Variants in RUNX2 observed in about 807,000 individuals in gnomAD.
RUNX2 encodes the protein runt-related transcription factor 2.
Under a neutral mutation model 51.7 loss-of-function variants are expected in RUNX2, and 10 were observed. That is an observed-to-expected ratio of 0.19 (90% CI 0.12 to 0.33). RUNX2 has a LOEUF of 0.33. Ranked by LOEUF, RUNX2 falls within the 10% of genes least tolerant of loss-of-function variation. RUNX2 has a pLI of 1.00. For missense variants in RUNX2, 562 were observed against 691.3 expected (o/e 0.81, Z 2.10); for synonymous variants, 276 against 273.6 (o/e 1.01, Z -0.09).
chr6:45,370,010 T>C (rs543299911), intron 2 of RUNX2, among the ~76,000 whole-genome samples: 18 of 152,112 alleles, frequency 1.2e-4, no homozygotes, highest in African/African-American at 4.3e-4. Flanking sequence ...GCCACAGGAG[T>C]TTACATTTCA....
intron 5 of RUNX2, among the ~76,000 whole-genome samples, chr6:45,490,735 T>C (rs1055147172): frequency 2.6e-5 from 4 of 152,144 alleles, no homozygotes; most frequent in African/African-American, 9.7e-5. Flanking sequence ...TGGATAATAT[T>C]CTAATTCCCT....
At chr6:45,464,993 T>C (rs1257300679) in intron 5 of RUNX2, among the ~76,000 whole-genome samples, 1 of 152,234 alleles carries the variant, frequency 6.6e-6, no homozygotes, top group African/African-American at 2.4e-5. Context: ...CTTGAGTATA[T>C]ACAAGATTTG....
chr6:45,391,687 G>A (rs575177958), intron 2 of RUNX2, among the ~76,000 whole-genome samples: 117 of 152,280 alleles, frequency 7.7e-4, no homozygotes, highest in African/African-American at 2.5e-3. Flanking sequence ...GAAGCAAGGC[G>A]CCTTCTTCAC....
intron 6 of RUNX2, among the ~76,000 whole-genome samples, chr6:45,502,174 A>C (rs895790170): frequency 2.0e-5 from 3 of 152,070 alleles, no homozygotes; most frequent in African/African-American, 7.2e-5. Flanking sequence ...ATGTTGTGGG[A>C]TGTCATTTAT....
At chr6:45,384,164 G>T (rs1797299136) in intron 2 of RUNX2, among the ~76,000 whole-genome samples, 1 of 152,148 alleles carries the variant, frequency 6.6e-6, no homozygotes, top group Admixed American at 6.5e-5. Context: ...AATACTTAAT[G>T]TAGGAAGGTT....
At chr6:45,437,759 C>T (rs1798726028) in intron 4 of RUNX2, among the ~76,000 whole-genome samples, 188 bp from the exon 5 acceptor site, 1 of 152,136 alleles carries the variant, frequency 6.6e-6, no homozygotes, top group Admixed American at 6.5e-5. Flanking sequence ...TGACTCTAAG[C>T]AAATTTGGAA....
In RUNX2 at chr6:45,549,823, T is replaced by C. The variant is rs1802509488; in HGVS notation, c.*2518T>C. 6.5e-6 allele frequency: 1 copy of C among 153,442 alleles called. No individual in the cohort carries two copies. 9.5% of individuals were successfully genotyped at this position (153,442 alleles called of 1,614,324 possible). ...GGATGCTTTTGTGTTGAAATGTTAC[T>C]ATAGTGGCTGCAGGCAGCAACCCAG... On this transcript the variant is annotated 3_prime_UTR_variant, in exon 9 of 9. Transcript: ENST00000647337.
intron 2 of RUNX2, chr6:45,371,868 T>C: frequency 2.0e-6 from 2 of 978,478 alleles, no homozygotes; most frequent in Non-Finnish European, 2.4e-6. Flanking sequence ...ACTAATTTCC[T>C]CCAAATCCCT....
chr6:45,437,131 C>T (rs1291945927), intron 4 of RUNX2, among the ~76,000 whole-genome samples: 1 of 152,154 alleles, frequency 6.6e-6, no homozygotes, highest in Non-Finnish European at 1.5e-5. Flanking sequence ...CAAACTTTTC[C>T]CTGTCTCTTT....
intron 5 of RUNX2, among the ~76,000 whole-genome samples, chr6:45,478,956 C>T (rs868683751): frequency 2.0e-5 from 3 of 151,980 alleles, no homozygotes; most frequent in East Asian, 1.9e-4. Context: ...GGCACCATCT[C>T]GGCTCACTGC....
chr6:45,540,355 G>C (rs925672980), intron 7 of RUNX2, among the ~76,000 whole-genome samples: 4 of 152,106 alleles, frequency 2.6e-5, no homozygotes, highest in African/African-American at 9.7e-5. Flanking sequence ...TTTCATGTGT[G>C]TTTTCATAGA....
At chr6:45,503,894 C>A (rs1219927317) in intron 6 of RUNX2, among the ~76,000 whole-genome samples, 3 of 152,126 alleles carry the variant, frequency 2.0e-5, no homozygotes, top group Non-Finnish European at 4.4e-5. Context: ...CCATACATAT[C>A]GTTTTTCATT....
chr6:45,538,287 T>C (rs1802099297), intron 7 of RUNX2, among the ~76,000 whole-genome samples: 1 of 152,214 alleles, frequency 6.6e-6, no homozygotes, highest in Non-Finnish European at 1.5e-5. Context: ...ATAATCTTAA[T>C]TGACCACATA....
chr6:45,377,552 C>G (rs953184236), intron 2 of RUNX2: 4 of 152,290 alleles, frequency 2.6e-5, no homozygotes, highest in Admixed American at 2.0e-4. Context: ...GGCAGCGGAA[C>G]CAGGGCGCTG....
chr6:45,427,970 C>G (rs1798428823), intron 3 of RUNX2, among the ~76,000 whole-genome samples: 1 of 152,150 alleles, frequency 6.6e-6, no homozygotes, highest in African/African-American at 2.4e-5. Flanking sequence ...ACGTCTTTCT[C>G]TATTCTGAAA....
At chr6:45,367,395 G>C (rs1046334002) in intron 2 of RUNX2, among the ~76,000 whole-genome samples, 13 of 151,708 alleles carry the variant, frequency 8.6e-5, no homozygotes, top group African/African-American at 3.1e-4. Flanking sequence ...AAAGACTTTT[G>C]GAATAAGTAC....
chr6:45,356,131 A>G (rs1051375427), intron 2 of RUNX2, among the ~76,000 whole-genome samples: 11 of 152,194 alleles, frequency 7.2e-5, no homozygotes, highest in African/African-American at 2.2e-4. Flanking sequence ...CTATTCTGTC[A>G]TAGGAAAAAA....
At chr6:45,448,705 T>C (rs1475060889) in intron 5 of RUNX2, among the ~76,000 whole-genome samples, 3 of 152,156 alleles carry the variant, frequency 2.0e-5, no homozygotes, top group Non-Finnish European at 4.4e-5. Context: ...ATCTTCTCAT[T>C]TACCTCCTTG....
chr6:45,496,721 G>A (rs1239099730), intron 6 of RUNX2, among the ~76,000 whole-genome samples: 3 of 152,158 alleles, frequency 2.0e-5, no homozygotes. Context: ...TGTGAAGCAA[G>A]GGAATGACAT....
Sources: gnomAD v4.1 joint callset for allele counts (sites outside exome capture counted in the v4.1 genomes callset) on GRCh38, gnomAD v4.1.1 for gene constraint, MANE v1.5 for transcripts, NCBI Gene and HGNC (gene_info 2026-07-23, HGNC 2026-07-21) for gene names.